Variants in JMJD1C observed in about 807,000 individuals in gnomAD.
The protein encoded by JMJD1C is jumonji domain-containing protein 1C.
A neutral mutation model predicts 245.3 loss-of-function variants in JMJD1C; 31 were observed. The observed-to-expected ratio is 0.13, with a 90% CI of 0.09 to 0.17. The LOEUF (loss-of-function observed/expected upper bound fraction) is 0.17. Ranked by LOEUF, JMJD1C falls within the 10% of genes least tolerant of loss-of-function variation. The probability of loss-of-function intolerance (pLI) is 1.00; values close to 1 mark genes in which losing one functional copy is unlikely to be tolerated. For missense variants in JMJD1C, 2,691 were observed against 3,000.2 expected (o/e 0.90, Z 2.41); for synonymous variants, 1,057 against 1,017.4 (o/e 1.04, Z -0.74).
intron 1 of JMJD1C, among the ~76,000 whole-genome samples, chr10:63,401,060 T>C (rs1471937401): frequency 6.6e-6 from 1 of 152,148 alleles, no homozygotes; most frequent in Admixed American, 6.5e-5. Context: ...AGTTTCGCCA[T>C]GTTGGCCAGG....
intron 10 of JMJD1C, among the ~76,000 whole-genome samples, chr10:63,201,667 T>C (rs972904093): frequency 4.6e-5 from 7 of 152,194 alleles, no homozygotes; most frequent in Admixed American, 4.6e-4. Flanking sequence ...CGGTGGCTCA[T>C]GCCTGTAATC....
chr10:63,376,018 C>T lies in JMJD1C; in HGVS notation c.333+4300G>A, dbSNP rs180958322. 9.4e-4 allele frequency among the ~76,000 whole-genome samples: 143 copies of T among 152,260 alleles called. No homozygotes were observed. The Middle Eastern group carries it at 0.017, about 18-fold the overall frequency. ...AGAAAGAAGAAAGTTGACGGAAAAA[C>T]ATTTCCTGATTTCACAATGTACTAC... On this transcript the variant is annotated intron_variant, in intron 2 of 25. Coordinates refer to ENST00000399262, the MANE Select transcript of JMJD1C (RefSeq NM_032776.3).
chr10:63,387,679 AG>A (rs1457393439), intron 1 of JMJD1C, among the ~76,000 whole-genome samples: 1 of 106,118 alleles, frequency 9.4e-6, no homozygotes, highest in Non-Finnish European at 1.7e-5. Flanking sequence ...TCTGTCGCCC[AG>A]GCTACAGTGC....
At chr10:63,378,889 T>C (rs16918399) in intron 2 of JMJD1C, among the ~76,000 whole-genome samples, 5,622 of 152,244 alleles carry the variant, frequency 0.037, 329 homozygotes, top group East Asian at 0.28. Context: ...AAACCTACTA[T>C]GGATAAAATT....
chr10:63,496,295 TA>T (rs1487698619), intron 1 of JMJD1C, among the ~76,000 whole-genome samples: 1 of 151,890 alleles, frequency 6.6e-6, no homozygotes, highest in Non-Finnish European at 1.5e-5. Flanking sequence ...TTTAGAAACT[TA>T]AAAAATTTAA....
intron 2 of JMJD1C, among the ~76,000 whole-genome samples, chr10:63,298,630 G>C (rs992039381): frequency 2.0e-5 from 3 of 152,074 alleles, no homozygotes; most frequent in African/African-American, 4.8e-5. Flanking sequence ...TATACTACAA[G>C]TATTAGGTTT....
intron 4 of JMJD1C, among the ~76,000 whole-genome samples, chr10:63,219,099 G>GT (rs1353400265): frequency 6.6e-6 from 1 of 152,040 alleles, no homozygotes; most frequent in Non-Finnish European, 1.5e-5. Context: ...TTCTGTTTTT[G>GT]TATGTGTTTG....
chr10:63,442,356 C>T (rs561381072), intron 1 of JMJD1C, among the ~76,000 whole-genome samples: 2 of 152,210 alleles, frequency 1.3e-5, no homozygotes, highest in African/African-American at 4.8e-5. Flanking sequence ...CACGCACACA[C>T]AAAATACATT....
At chr10:63,204,692 C>T (rs1846394735) in intron 10 of JMJD1C, 1 of 985,262 alleles carries the variant, frequency 1.0e-6, no homozygotes, top group African/African-American at 1.7e-5. Context: ...TGGCAGGTAT[C>T]CTTCGATGTT....
chr10:63,400,437 G>C (rs1392413230), intron 1 of JMJD1C, among the ~76,000 whole-genome samples: 1 of 152,128 alleles, frequency 6.6e-6, no homozygotes, highest in Non-Finnish European at 1.5e-5. Flanking sequence ...CCAAGTGAGG[G>C]ACTACCTTAT....
chr10:63,208,229 G>A lies in JMJD1C; in HGVS notation c.3440C>T (p.Pro1147Leu). The A allele has an allele frequency of 1.2e-6, 2 of 1,613,896 alleles. No homozygotes were observed. Among genetic ancestry groups the A allele is most frequent in the Non-Finnish European group, 1.7e-6 (2 of 1,179,838 alleles). The change falls in exon 10 of 26, where the codon CCA becomes CTA. Residue 1147 changes from proline to leucine, a missense_variant. Physicochemically the swap from Pro to Leu is moderately conservative, Grantham distance 98 (BLOSUM62 -3). Transcript: ENST00000399262. ...TSFITSLSKP[P>L]PLIKHQPESE... Reference sequence around the variant, plus strand: ...TTCTGGTTGGTGTTTAATCAAAGGTGGAGGCTTTGAAAGAGATGTTATAAA... The same window carrying A: ...TTCTGGTTGGTGTTTAATCAAAGGTAGAGGCTTTGAAAGAGATGTTATAAA...
intron 2 of JMJD1C, among the ~76,000 whole-genome samples, chr10:63,310,505 G>C (rs1240114529): frequency 1.3e-5 from 2 of 152,220 alleles, no homozygotes; most frequent in Non-Finnish European, 2.9e-5. Flanking sequence ...TAAAGAGGTG[G>C]TGTTAGATTA....
chr10:63,472,083 G>T (rs1953508193), intron 1 of JMJD1C, among the ~76,000 whole-genome samples: 1 of 151,928 alleles, frequency 6.6e-6, no homozygotes, highest in African/African-American at 2.4e-5. Flanking sequence ...AAACTAACTT[G>T]AAATGGAAGA....
At chr10:63,240,332 A>C (rs1851327915) in intron 3 of JMJD1C, among the ~76,000 whole-genome samples, 1 of 152,238 alleles carries the variant, frequency 6.6e-6, no homozygotes, top group Non-Finnish European at 1.5e-5. Flanking sequence ...ACAAACATAC[A>C]GCAAAGACTG....
chr10:63,167,624 G>T lies in JMJD1C; in HGVS notation c.*421C>A, dbSNP rs1841974570. 6.5e-6 allele frequency: 1 copy of T among 153,848 alleles called. No homozygotes were observed. The highest frequency in any genetic ancestry group is 2.0e-4 in the South Asian group (1 of 4,892). 9.5% of individuals were successfully genotyped at this position (153,848 alleles called of 1,614,324 possible). On this transcript the variant is annotated 3_prime_UTR_variant, in exon 26 of 26. Transcript: ENST00000399262. ...AGCAATTTCCCAGATGCAGGCAATA[G>T]CTGGTGTTTGTGTCCTATTCTCACA... is the stretch of plus-strand genomic sequence containing the variant.
At chr10:63,221,228 A>C (rs550679825) in intron 3 of JMJD1C, among the ~76,000 whole-genome samples, 5 of 152,362 alleles carry the variant, frequency 3.3e-5, no homozygotes, top group Non-Finnish European at 7.3e-5. Context: ...GCCAAAAGGT[A>C]GCTGAAGTGT....
In JMJD1C at chr10:63,215,698, T is replaced by C; in HGVS notation, c.679-2A>G. 1 of 1,546,330 alleles carries C rather than the reference T, an allele frequency of 6.5e-7. No homozygotes were observed. Among genetic ancestry groups the C allele is most frequent in the Non-Finnish European group, 8.8e-7 (1 of 1,140,302 alleles). ...ATCGACATTCTGTGGTTCTAGTACC[T>C]AATCCATGATACAAAACAAAAACAA... On this transcript the variant is annotated splice_acceptor_variant, in intron 5 of 25. Coordinates refer to ENST00000399262, the MANE Select transcript of JMJD1C (RefSeq NM_032776.3). LOFTEE classifies it high-confidence loss of function.
chr10:63,414,906 CA>C (rs751283631), intron 1 of JMJD1C, among the ~76,000 whole-genome samples: 2,815 of 92,336 alleles, frequency 0.03, 33 homozygotes, highest in African/African-American at 0.053. Context: ...GACTCTATCT[CA>C]AAAAAAAAAA....
At chr10:63,364,980 C>A (rs1945715635) in intron 2 of JMJD1C, among the ~76,000 whole-genome samples, 2 of 152,176 alleles carry the variant, frequency 1.3e-5, no homozygotes, top group Admixed American at 1.3e-4. Context: ...AGGAATATTT[C>A]CAAAATTCTA....
Sources: allele counts gnomAD v4.1 joint callset (sites outside exome capture counted in the v4.1 genomes callset), GRCh38; gene constraint gnomAD v4.1.1; transcripts MANE v1.5; gene names NCBI Gene and HGNC (gene_info 2026-07-23, HGNC 2026-07-21).